Variants in TBC1D25 observed in about 807,000 individuals in gnomAD.
The protein encoded by TBC1D25 is TBC1 domain family member 25, also known as 5SN3 snoRNA.
TBC1D25 carries 13 observed loss-of-function variants against 38.8 expected under a neutral mutation model. The ratio of observed to expected loss-of-function variants is 0.34; its 90% CI spans 0.22 to 0.53. TBC1D25 has a LOEUF of 0.53. TBC1D25 is among the 20% of genes least tolerant of loss of function. The probability of loss-of-function intolerance (pLI) is 0.94; values close to 1 mark genes in which losing one functional copy is unlikely to be tolerated. For missense variants in TBC1D25, 372 were observed against 600.0 expected, an observed-to-expected ratio of 0.62 and a Z score of 3.97; for synonymous variants, 225 against 255.6, an observed-to-expected ratio of 0.88 and a Z score of 1.14.
At chrX:48,545,114 G>C in intron 3 of TBC1D25, 91 bp downstream of exon 3, 1 of 1,080,139 alleles carries the variant, frequency 9.3e-7, no homozygotes, top group Non-Finnish European at 1.2e-6. Context: ...CCTCATGGTG[G>C]GATGGGTAGC....
Position 48,559,179 on chromosome X carries a change from G to T in TBC1D25, c.538G>T (p.Val180Phe). The change falls in exon 5 of 6, where the codon GTC becomes TTC. Residue 180 changes from valine (V) to phenylalanine (F), a missense_variant. Physicochemically the swap from Val to Phe is conservative, Grantham distance 50. Around this residue, in one of 2 missense-constraint regions of TBC1D25, gnomAD observed 312 missense variants for 549.3 expected, o/e 0.57. Coordinates refer to ENST00000376771, the MANE Select transcript of TBC1D25 (RefSeq NM_002536.4). Reference sequence around the variant, plus strand: ...ATAGGTGGGCCGTACCTTGTCTAAGGTCCAACAAGTGCTGAGCTGGTCGTA... The same window carrying T: ...ATAGGTGGGCCGTACCTTGTCTAAGTTCCAACAAGTGCTGAGCTGGTCGTA... Reference protein sequence around the residue: ...LTQVGRTLSKVQQVLSWSYGE... With the variant: ...LTQVGRTLSKFQQVLSWSYGE... 1 of 1,210,910 alleles carries T rather than the reference G, an allele frequency of 8.3e-7. No homozygotes were observed. The highest frequency in any genetic ancestry group is 1.1e-6 in the Non-Finnish European group (1 of 895,314).
intron 3 of TBC1D25, among the ~76,000 whole-genome samples, chrX:48,553,233 T>G (rs912643148): frequency 1.0e-5 from 1 of 98,516 alleles, no homozygotes; most frequent in African/African-American, 3.5e-5. Context: ...CTATAAATAT[T>G]AAATATGTAA....
intron 3 of TBC1D25, among the ~76,000 whole-genome samples, chrX:48,547,758 C>T (rs782124737): frequency 4.2e-4 from 47 of 110,868 alleles, no homozygotes; most frequent in East Asian, 2.6e-3. Context: ...CCAAACATGG[C>T]GAAACCCTGT....
At chrX:48,553,350 C>T (rs1395909112) in intron 3 of TBC1D25, among the ~76,000 whole-genome samples, 1 of 109,163 alleles carries the variant, frequency 9.2e-6, no homozygotes, top group Non-Finnish European at 1.9e-5. Context: ...GCTCAGAGAA[C>T]TTCTTTGTTC....
chrX:48,545,807 C>T (rs782117440), intron 3 of TBC1D25, among the ~76,000 whole-genome samples: 17 of 111,872 alleles, frequency 1.5e-4, no homozygotes, highest in Non-Finnish European at 3.2e-4. Context: ...ACTGGGAAGT[C>T]CAAGATCAAG....
At chrX:48,550,035 G>A (rs1176604323) in intron 3 of TBC1D25, among the ~76,000 whole-genome samples, 3 of 108,719 alleles carry the variant, frequency 2.8e-5, no homozygotes, top group African/African-American at 1.0e-4. Context: ...CGCCCAGGCA[G>A]GAGTGCAGTT....
At chrX:48,539,976 C>T in intron 1 of TBC1D25, 56 bp downstream of exon 1, 1 of 942,988 alleles carries the variant, frequency 1.1e-6, no homozygotes, top group Non-Finnish European at 1.3e-6. Context: ...GAGGGGGAGG[C>T]GGTGGCTGTC....
intron 2 of TBC1D25, among the ~76,000 whole-genome samples, chrX:48,543,808 C>T (rs896408087): frequency 2.9e-4 from 30 of 102,569 alleles, no homozygotes; most frequent in Non-Finnish European, 4.3e-4. Context: ...GGCATGGGCC[C>T]GGGAGGCGGA....
chrX:48,548,043 A>G (rs1217416717), intron 3 of TBC1D25, among the ~76,000 whole-genome samples: 1 of 109,485 alleles, frequency 9.1e-6, no homozygotes, highest in Non-Finnish European at 1.9e-5. Flanking sequence ...TTATTAAATT[A>G]TAAGCCAATT....
In TBC1D25 at chrX:48,548,123, G is replaced by GT. The variant is rs1256076437; in HGVS notation, c.388+3110dup. 8.2e-4 allele frequency among the ~76,000 whole-genome samples: 80 copies of GT among 97,654 alleles called. 1 individual carries two copies. Among genetic ancestry groups the GT allele is most frequent in the East Asian group, 7.7e-3 (24 of 3,099 alleles). The allele number at this position is 97,654 out of a possible 115,157, so 84.8% of individuals were successfully genotyped here. ...GTTTGGTTTTGAGGGTTTTTTTTTTGTTTTTTTTTTGAGACAGGGTCTCAC... is the reference window on the plus strand; with the variant it reads ...GTTTGGTTTTGAGGGTTTTTTTTTTGTTTTTTTTTTTGAGACAGGGTCTCAC... On this transcript the variant is annotated intron_variant, in intron 3 of 5. Coordinates refer to ENST00000376771, the MANE Select transcript of TBC1D25 (RefSeq NM_002536.4).
intron 3 of TBC1D25, among the ~76,000 whole-genome samples, chrX:48,558,041 G>T (rs531427344): frequency 1.9e-5 from 2 of 106,580 alleles, no homozygotes; most frequent in South Asian, 8.4e-4. Context: ...AAACCAGGAG[G>T]CAGAGTTTGC....
intron 3 of TBC1D25, among the ~76,000 whole-genome samples, chrX:48,547,886 C>T (rs1050372559): frequency 1.7e-4 from 17 of 101,427 alleles, no homozygotes; most frequent in Admixed American, 1.5e-3. Context: ...TGCAATGATC[C>T]GAGCTCGTGC....
At chrX:48,554,225 C>T (rs1488297640) in intron 3 of TBC1D25, among the ~76,000 whole-genome samples, 2 of 106,945 alleles carry the variant, frequency 1.9e-5, no homozygotes, top group African/African-American at 6.8e-5. Flanking sequence ...CCATTGCGCC[C>T]AGTCTAAGAG....
chrX:48,543,883 C>CAA (rs56088321), intron 2 of TBC1D25, among the ~76,000 whole-genome samples: 212 of 72,550 alleles, frequency 2.9e-3, no homozygotes, highest in Non-Finnish European at 3.8e-3. Flanking sequence ...GACTCCGTCT[C>CAA]AAAAAAAAAA....
chrX:48,548,333 C>T (rs1207341235), intron 3 of TBC1D25, among the ~76,000 whole-genome samples: 1 of 110,334 alleles, frequency 9.1e-6, no homozygotes, highest in East Asian at 2.8e-4. Context: ...CCAGGCTGGT[C>T]TTGAACTCCT....
At chrX:48,545,562 A>G (rs1352362716) in intron 3 of TBC1D25, among the ~76,000 whole-genome samples, 26 of 111,747 alleles carry the variant, frequency 2.3e-4, no homozygotes, top group Non-Finnish European at 4.1e-4. Context: ...TTGACCTCTC[A>G]GCCACTTTTT....
In TBC1D25 at chrX:48,560,066, C is replaced by T. The variant is rs140191951; in HGVS notation, c.1158C>T (p.His386=). 31 of 1,208,335 alleles carry T rather than the reference C, an allele frequency of 2.6e-5. No individual in the cohort carries two copies. The highest frequency in any genetic ancestry group is 1.0e-4 in the African/African-American group (6 of 57,454). ...CACACTTGAAGCTGTTGCTGCGACA[C>T]GCTGACCCTGACTTTTATCAATACC... ...KFAHLKLLLR[H]ADPDFYQYLQ... The change falls in exon 6 of 6, where the codon CAC becomes CAT. Residue 386 remains histidine (H), a synonymous_variant. Coordinates refer to ENST00000376771, the MANE Select transcript of TBC1D25 (RefSeq NM_002536.4).
rs782320463 is a variant in TBC1D25 at position 48,560,623 on chromosome X, C to T, written c.1715C>T (p.Ser572Phe). 1 of 1,211,122 alleles carries T rather than the reference C, an allele frequency of 8.3e-7. No individual in the cohort carries two copies. Among genetic ancestry groups the T allele is most frequent in the Non-Finnish European group, 1.1e-6 (1 of 895,106 alleles). The change falls in exon 6 of 6, where the codon TCT (serine) becomes TTT (phenylalanine). Residue 572 changes from serine (S) to phenylalanine (F), a missense_variant. Coordinates refer to ENST00000376771, the MANE Select transcript of TBC1D25 (RefSeq NM_002536.4). ...TCTCCACCATCCACCCAGGAGGCCT[C>T]TCCCACTGGTGATATGGCTGTAGGA... Reference protein sequence around the residue: ...SSSPPSTQEASPTGDMAVGSP... With the variant: ...SSSPPSTQEAFPTGDMAVGSP...
chrX:48,549,858 T>C (rs1409470305), intron 3 of TBC1D25, among the ~76,000 whole-genome samples: 3 of 112,627 alleles, frequency 2.7e-5, no homozygotes, highest in African/African-American at 9.7e-5. Flanking sequence ...ACAAATATTC[T>C]ATATTTTCTT....
Sources: allele counts gnomAD v4.1 joint callset (sites outside exome capture counted in the v4.1 genomes callset), GRCh38; gene constraint gnomAD v4.1.1; regional missense constraint gnomAD v4.1.1; transcripts MANE v1.5; gene names NCBI Gene and HGNC (gene_info 2026-07-23, HGNC 2026-07-21).